SPRED1: variants seen among roughly 807,000 people sequenced by gnomAD.
SPRED1 encodes sprouty related EVH1 domain containing 1.
SPRED1 carries 18 observed loss-of-function variants against 52.3 expected under a neutral mutation model. The observed-to-expected ratio is 0.34, with a 90% CI of 0.24 to 0.51. SPRED1 has a LOEUF of 0.51. Among genes scored for constraint, SPRED1 ranks in the 20% least tolerant of loss-of-function variants. The probability of loss-of-function intolerance (pLI) is 0.97; values close to 1 mark genes in which losing one functional copy is unlikely to be tolerated. For synonymous variants in SPRED1, 155 were observed against 179.7 expected, an observed-to-expected ratio of 0.86 and a Z score of 1.10; for missense variants, 485 against 551.0, an observed-to-expected ratio of 0.88 and a Z score of 1.20.
At chr15:38,278,125 A>G (rs1267103414) in intron 1 of SPRED1, among the ~76,000 whole-genome samples, 2 of 152,202 alleles carry the variant, frequency 1.3e-5, no homozygotes, top group East Asian at 1.9e-4. Flanking sequence ...ATTCACTAGC[A>G]GTAATGAAAA....
chr15:38,348,842 C>CA (rs2141014408), intron 5 of SPRED1, among the ~76,000 whole-genome samples: 1 of 152,126 alleles, frequency 6.6e-6, no homozygotes, highest in South Asian at 2.1e-4. Context: ...ATGGGCTTTG[C>CA]AATTCGAAAC....
intron 5 of SPRED1, among the ~76,000 whole-genome samples, chr15:38,340,261 A>G (rs1401762833): frequency 6.6e-6 from 1 of 152,190 alleles, no homozygotes; most frequent in Admixed American, 6.5e-5. Context: ...TTCCTACAGA[A>G]CTAAATTTTT....
At chr15:38,302,117 C>T (rs1292356940) in intron 2 of SPRED1, among the ~76,000 whole-genome samples, 1 of 152,020 alleles carries the variant, frequency 6.6e-6, no homozygotes, top group African/African-American at 2.4e-5. Context: ...ATTCTTGCCC[C>T]TCATATCCCA....
chr15:38,268,073 T>C (rs1452890598), intron 1 of SPRED1: 1 of 152,148 alleles, frequency 6.6e-6, no homozygotes, highest in Admixed American at 6.5e-5. Flanking sequence ...TATATACTTA[T>C]AAAAGATTAA....
intron 1 of SPRED1, among the ~76,000 whole-genome samples, chr15:38,296,710 T>C (rs1566858854): frequency 6.6e-6 from 1 of 152,182 alleles, no homozygotes; most frequent in Non-Finnish European, 1.5e-5. Context: ...TTCGTGTCCA[T>C]TGTTATCGTC....
chr15:38,306,298 A>G (rs1451860921), intron 2 of SPRED1, among the ~76,000 whole-genome samples: 1 of 152,194 alleles, frequency 6.6e-6, no homozygotes, highest in Admixed American at 6.5e-5. Flanking sequence ...ATGGCACTAT[A>G]TAGATAGCAT....
intron 5 of SPRED1, among the ~76,000 whole-genome samples, chr15:38,343,222 A>T (rs375557565): frequency 3.9e-5 from 6 of 152,248 alleles, no homozygotes; most frequent in African/African-American, 1.4e-4. Flanking sequence ...GGTGTGCATG[A>T]CTGGAGAGGA....
intron 2 of SPRED1, among the ~76,000 whole-genome samples, chr15:38,313,579 A>C (rs982542735): frequency 1.3e-5 from 2 of 151,676 alleles, no homozygotes; most frequent in African/African-American, 4.8e-5. Context: ...ATTATAATTC[A>C]TTGACTAAAA....
chr15:38,352,928 T>C lies in SPRED1; in HGVS notation c.*1264T>C, dbSNP rs1349627097. On this transcript the variant is annotated 3_prime_UTR_variant, in exon 7 of 7. Coordinates refer to ENST00000299084, the MANE Select transcript of SPRED1 (RefSeq NM_152594.3). ...GAAGTATCTTGTACATATAAATTTA[T>C]TTCTTTTGCAGAGCATTATATTACT... 6.6e-6 allele frequency: 1 copy of C among 152,160 alleles called. No individual in the cohort carries two copies. The allele number at this position is 152,160 out of a possible 1,614,324, so 9.4% of individuals were successfully genotyped here. A position where few individuals can be genotyped will look rare whatever the true frequency, so the allele number is the denominator to read the frequency against.
intron 1 of SPRED1, among the ~76,000 whole-genome samples, chr15:38,283,699 G>A (rs1160897513): frequency 6.6e-6 from 1 of 152,128 alleles, no homozygotes; most frequent in Non-Finnish European, 1.5e-5. Context: ...AGAACAGCAG[G>A]GGTTTAAATC....
chr15:38,348,469 C>T (rs1031986488), intron 5 of SPRED1, among the ~76,000 whole-genome samples: 30 of 151,666 alleles, frequency 2.0e-4, no homozygotes, highest in African/African-American at 7.3e-4. Flanking sequence ...TGGAGGAATG[C>T]ACTAAAAAAT....
intron 2 of SPRED1, among the ~76,000 whole-genome samples, chr15:38,305,822 T>A (rs1895241013): frequency 6.6e-6 from 1 of 152,172 alleles, no homozygotes; most frequent in African/African-American, 2.4e-5. Context: ...ATCTTGAAAT[T>A]GTTTGGATTT....
chr15:38,318,099 G>A (rs934020747), intron 2 of SPRED1, among the ~76,000 whole-genome samples: 3 of 151,994 alleles, frequency 2.0e-5, no homozygotes, highest in Admixed American at 2.0e-4. Flanking sequence ...CAAAGATGTT[G>A]GGTGATTGTG....
chr15:38,290,465 T>G (rs1395102871), intron 1 of SPRED1, among the ~76,000 whole-genome samples: 2 of 152,232 alleles, frequency 1.3e-5, no homozygotes, highest in Non-Finnish European at 2.9e-5. Context: ...TCTGGAAGAA[T>G]TCCCAGATGT....
chr15:38,347,572 C>T (rs1255457002), intron 5 of SPRED1, among the ~76,000 whole-genome samples: 7 of 146,788 alleles, frequency 4.8e-5, no homozygotes, highest in Admixed American at 7.0e-5. Context: ...ATTTGAATTG[C>T]GCTGAATGTG....
At chr15:38,333,037 A>G (rs1895836621) in intron 4 of SPRED1, among the ~76,000 whole-genome samples, 1 of 152,186 alleles carries the variant, frequency 6.6e-6, no homozygotes, top group African/African-American at 2.4e-5. Flanking sequence ...TAATTGAATC[A>G]TAGCCCCACC....
In SPRED1 at chr15:38,324,793, G is replaced by A; in HGVS notation, c.407G>A (p.Gly136Glu). The change falls in exon 4 of 7, where the codon GGG becomes GAG. Residue 136 changes from glycine (G) to glutamate (E), a missense_variant. Transcript: ENST00000299084. ...GCPESKNEAE[G>E]ADDLQANEED... ...CCCGAATCAAAAAATGAAGCTGAAGGGGCAGATGACTTACAAGTAAGTAAT... is the reference window on the plus strand; with the variant it reads ...CCCGAATCAAAAAATGAAGCTGAAGAGGCAGATGACTTACAAGTAAGTAAT... 6.2e-7 allele frequency: 1 copy of A among 1,611,654 alleles called. No individual in the cohort carries two copies. Among genetic ancestry groups the A allele is most frequent in the Non-Finnish European group, 8.5e-7 (1 of 1,178,958 alleles).
chr15:38,284,650 T>G (rs1033259432), intron 1 of SPRED1, among the ~76,000 whole-genome samples: 1 of 152,192 alleles, frequency 6.6e-6, no homozygotes, highest in Non-Finnish European at 1.5e-5. Context: ...AGTCTTAATT[T>G]TAGTGTAATG....
chr15:38,292,369 A>T (rs1485273079), intron 1 of SPRED1, among the ~76,000 whole-genome samples: 1 of 152,094 alleles, frequency 6.6e-6, no homozygotes, highest in Non-Finnish European at 1.5e-5. Context: ...AGTCACTTCC[A>T]CATTTTTGGG....
Sources: allele counts gnomAD v4.1 joint callset (sites outside exome capture counted in the v4.1 genomes callset), GRCh38; gene constraint gnomAD v4.1.1; transcripts MANE v1.5; gene names NCBI Gene and HGNC (gene_info 2026-07-23, HGNC 2026-07-21).